Variants in DMD observed in about 807,000 individuals in gnomAD.
The protein encoded by DMD is mutant dystrophin.
A neutral mutation model predicts 330.1 loss-of-function variants in DMD; 63 were observed. The ratio of observed to expected loss-of-function variants is 0.19; its 90% CI spans 0.16 to 0.24. DMD has a LOEUF of 0.24. Ranked by LOEUF, DMD falls within the 10% of genes least tolerant of loss-of-function variation. DMD has a pLI of 1.00. For missense variants in DMD, 3,344 were observed against 2,684.1 expected (o/e 1.25, Z -5.43); for synonymous variants, 1,223 against 959.8 (o/e 1.27, Z -5.07).
At chrX:32,834,389 G>T (rs1176243723) in intron 4 of DMD, among the ~76,000 whole-genome samples, 1 of 111,245 alleles carries the variant, frequency 9.0e-6, no homozygotes, top group East Asian at 2.8e-4. Flanking sequence ...GTATTATATG[G>T]CTATTTAAGT....
At chrX:33,129,861 C>T (rs2095489209) in intron 1 of DMD, among the ~76,000 whole-genome samples, 2 of 111,770 alleles carry the variant, frequency 1.8e-5, no homozygotes, top group Non-Finnish European at 1.9e-5. Flanking sequence ...TACTCATTGT[C>T]GTACTGCTTA....
intron 20 of DMD, among the ~76,000 whole-genome samples, chrX:32,490,176 T>C (rs2042860100): frequency 9.0e-6 from 1 of 111,633 alleles, no homozygotes; most frequent in South Asian, 3.8e-4. Context: ...TTTTTTACAG[T>C]ATGCAAATGA....
At position 31,991,777 on chromosome X, in the gene DMD, G is replaced by A. The variant is rs750084379; in HGVS notation, c.6439-23263C>T. Among the ~76,000 whole-genome samples, 110 of 79,441 alleles carry A rather than the reference G, an allele frequency of 1.4e-3. 2 individuals carry two copies. The highest frequency in any genetic ancestry group is 3.9e-3 in the African/African-American group (94 of 24,326). 69.0% of individuals were successfully genotyped at this position (79,441 alleles called of 115,157 possible). ...TACAGACTTTAAAAAAAAAAAAAAA[G>A]GAAGGGGAATATCGCAGTGGTATTG... On this transcript the variant is annotated intron_variant, in intron 44 of 78. Transcript: ENST00000357033.
intron 1 of DMD, among the ~76,000 whole-genome samples, chrX:33,306,412 G>A (rs796156879): frequency 1.8e-5 from 2 of 111,700 alleles, no homozygotes; most frequent in South Asian, 7.5e-4. Context: ...TTAATATAAC[G>A]TATGGTCATA....
intron 60 of DMD, among the ~76,000 whole-genome samples, chrX:31,378,028 C>T (rs1300658967): frequency 9.0e-6 from 1 of 111,253 alleles, no homozygotes; most frequent in African/African-American, 3.3e-5. Flanking sequence ...TTTCCTTTAC[C>T]TACCCAAATC....
intron 7 of DMD, among the ~76,000 whole-genome samples, chrX:32,786,182 A>G (rs2075345991): frequency 9.1e-6 from 1 of 109,830 alleles, no homozygotes; most frequent in Admixed American, 9.8e-5. Context: ...CACTTGCCCA[A>G]CTGATTCTAT....
At chrX:33,073,787 G>A (rs894576480) in intron 1 of DMD, among the ~76,000 whole-genome samples, 18 of 109,126 alleles carry the variant, frequency 1.6e-4, no homozygotes, top group African/African-American at 4.7e-4. Context: ...AGCCGAGATC[G>A]CATCACCGCA....
chrX:31,718,945 G>T (rs2085266978), intron 52 of DMD, among the ~76,000 whole-genome samples: 1 of 111,653 alleles, frequency 9.0e-6, no homozygotes, highest in African/African-American at 3.3e-5. Context: ...TAAATAATTT[G>T]CCATGGGTCC....
rs750514067 is a variant in DMD at position 33,202,951 on chromosome X, T to C, written c.31+8331A>G. On this transcript the variant is annotated intron_variant, in intron 1 of 78. Coordinates refer to ENST00000357033, the MANE Select transcript of DMD (RefSeq NM_004006.3). ...GTTGCTCAATATCATATTACTATTC[T>C]ATCGAGTCTTACTTCCTCCAAAGCT... is the stretch of plus-strand genomic sequence containing the variant. Among the ~76,000 whole-genome samples the C allele has an allele frequency of 7.2e-5, 8 of 111,882 alleles. No individual in the cohort carries two copies. The East Asian group carries it at 2.3e-3, about 32-fold the overall frequency.
At chrX:32,329,249 G>T (rs991519364) in intron 41 of DMD, among the ~76,000 whole-genome samples, 1 of 112,250 alleles carries the variant, frequency 8.9e-6, no homozygotes, top group African/African-American at 3.2e-5. Context: ...TGATGTTCTA[G>T]AGCATGATGG....
intron 4 of DMD, 145 bp from the exon 5 acceptor site, chrX:32,823,532 T>C (rs1196437100): frequency 8.7e-6 from 4 of 461,623 alleles, no homozygotes; most frequent in Non-Finnish European, 1.5e-5. Context: ...ATCTAAAAAT[T>C]AAACAAAATG....
intron 2 of DMD, among the ~76,000 whole-genome samples, chrX:32,903,144 C>CAAA (rs34973696): frequency 0.26 from 8,396 of 32,894 alleles, 1,461 homozygotes; most frequent in African/African-American, 0.28. Flanking sequence ...GACTCAGTCT[C>CAAA]AAAAAAAAAA....
chrX:33,302,456 T>C (rs2053679706), intron 1 of DMD, among the ~76,000 whole-genome samples: 1 of 112,293 alleles, frequency 8.9e-6, no homozygotes, highest in African/African-American at 3.2e-5. Flanking sequence ...AAATTTAAAA[T>C]TAAAAACTAC....
At chrX:33,191,271 T>G (rs1385965882) in intron 1 of DMD, among the ~76,000 whole-genome samples, 1 of 107,446 alleles carries the variant, frequency 9.3e-6, no homozygotes, top group Non-Finnish European at 1.9e-5. Flanking sequence ...TTGGTGTGCC[T>G]GTATGTTCTG....
At chrX:32,579,537 T>C (rs1389745216) in intron 13 of DMD, among the ~76,000 whole-genome samples, 2 of 112,412 alleles carry the variant, frequency 1.8e-5, no homozygotes, top group Non-Finnish European at 3.8e-5. Context: ...GCCTTCTAAT[T>C]TGTGCTACAC....
chrX:32,889,231 C>G (rs1467209450), intron 2 of DMD, among the ~76,000 whole-genome samples: 1 of 111,242 alleles, frequency 9.0e-6, no homozygotes, highest in Admixed American at 9.6e-5. Context: ...AGTACCCAGG[C>G]ACTTCAGCAG....
chrX:32,561,016 C>T (rs768511559), intron 16 of DMD, among the ~76,000 whole-genome samples: 4 of 111,699 alleles, frequency 3.6e-5, no homozygotes, highest in Non-Finnish European at 7.5e-5. Context: ...CACTGTCTTC[C>T]ACAATGGATA....
intron 16 of DMD, among the ~76,000 whole-genome samples, chrX:32,563,156 T>A (rs1447172066): frequency 9.2e-6 from 1 of 109,078 alleles, no homozygotes; most frequent in Non-Finnish European, 1.9e-5. Context: ...CTGGCCAACA[T>A]GGTGAAACCC....
rs984802105 is a variant in DMD, at chrX:33,211,512, G to C, written c.-200C>G. On this transcript the variant is annotated 5_prime_UTR_variant, in exon 1 of 79. Transcript: ENST00000357033. The stretch of plus-strand genomic sequence containing the variant: ...TCTGAGTCCTGTAGGGGGAAAGTGA[G>C]TGATCCCAACACTGAGTGAGTCAAC... The C allele has an allele frequency of 3.2e-5, 35 of 1,087,449 alleles. No homozygotes were observed. In the African/African-American group the frequency reaches 5.9e-4, roughly 18 times the overall value. The allele number at this position is 1,087,449 out of a possible 1,213,427, so 89.6% of individuals were successfully genotyped here.
Sources: allele counts gnomAD v4.1 joint callset (sites outside exome capture counted in the v4.1 genomes callset), GRCh38; gene constraint gnomAD v4.1.1; transcripts MANE v1.5; gene names NCBI Gene and HGNC (gene_info 2026-07-23, HGNC 2026-07-21).